The following ITPR2 variants were observed in gnomAD, a reference collection of about 807,000 sequenced individuals.
ITPR2 encodes inositol 1,4,5-trisphosphate receptor type 2.
In ITPR2, 207 loss-of-function variants were observed where a neutral mutation model predicts 317.1. That is an observed-to-expected ratio of 0.65 (90% CI 0.58 to 0.73). The LOEUF (loss-of-function observed/expected upper bound fraction) is 0.73. ITPR2 is among the 30% of genes least tolerant of loss of function. The pLI is 0.00. For synonymous variants in ITPR2, 1,156 were observed against 1,149.1 expected (o/e 1.01, Z -0.12); for missense variants, 2,613 against 3,284.0 (o/e 0.80, Z 4.99).
At chr12:26,809,368 TCAGCTA>T (rs1348881771) in intron 1 of ITPR2, among the ~76,000 whole-genome samples, 1 of 152,230 alleles carries the variant, frequency 6.6e-6, no homozygotes, top group Non-Finnish European at 1.5e-5. Context: ...TTCTCAACCT[TCAGCTA>T]TTCTGTGGAA....
rs188149148 is a variant in ITPR2, at chr12:26,439,302, C to T, written c.6468G>A (p.Arg2156=). ...CAGGAAAAACTATTTGTTCCATGGT[C>T]CTATCATGCCGGACAATCTGAAAAC... ...TAQIEIVRHD[R]TMEQIVFPVP... Residue 2156 remains arginine, a synonymous_variant, in exon 47 of 57, where the codon AGG becomes AGA. Transcript: ENST00000381340. 121 of 1,604,466 alleles carry T rather than the reference C, an allele frequency of 7.5e-5. No homozygotes were observed. In the African/African-American group the frequency reaches 1.2e-3, roughly 17 times the overall value.
intron 2 of ITPR2, among the ~76,000 whole-genome samples, chr12:26,729,545 A>C (rs927930238): frequency 1.3e-5 from 2 of 152,166 alleles, no homozygotes; most frequent in Non-Finnish European, 2.9e-5. Flanking sequence ...AAAGACATGG[A>C]ATCAACCTAA....
intron 2 of ITPR2, among the ~76,000 whole-genome samples, chr12:26,755,155 T>C (rs1206344296): frequency 2.0e-5 from 3 of 152,232 alleles, no homozygotes; most frequent in Non-Finnish European, 2.9e-5. Flanking sequence ...CATAAAATCA[T>C]TGTATGCCAC....
intron 24 of ITPR2, among the ~76,000 whole-genome samples, chr12:26,623,009 T>C (rs1946534889): frequency 6.6e-6 from 1 of 152,216 alleles, no homozygotes; most frequent in African/African-American, 2.4e-5. Flanking sequence ...AGTACTATAA[T>C]ATAAAAACTA....
At chr12:26,644,523 C>T (rs1947067186) in intron 21 of ITPR2, among the ~76,000 whole-genome samples, 4 of 152,206 alleles carry the variant, frequency 2.6e-5, no homozygotes, top group Admixed American at 2.6e-4. Context: ...ACTCACAATT[C>T]CACATGGCTG....
At chr12:26,640,244 T>C (rs1215957068) in intron 21 of ITPR2, among the ~76,000 whole-genome samples, 1 of 152,154 alleles carries the variant, frequency 6.6e-6, no homozygotes, top group Admixed American at 6.6e-5. Context: ...TTCTTAGGGA[T>C]TGATCCTGCC....
At chr12:26,816,427 A>G (rs1950853381) in intron 1 of ITPR2, among the ~76,000 whole-genome samples, 2 of 152,336 alleles carry the variant, frequency 1.3e-5, no homozygotes, top group South Asian at 4.1e-4. Flanking sequence ...AGATCACACC[A>G]TGAGAGAGTG....
At chr12:26,432,708 T>A (rs914865960) in intron 48 of ITPR2, among the ~76,000 whole-genome samples, 17 of 151,476 alleles carry the variant, frequency 1.1e-4, no homozygotes, top group African/African-American at 3.9e-4. Flanking sequence ...ATCTTCCCAC[T>A]ATCAACATGA....
chr12:26,768,449 T>A (rs909569490), intron 2 of ITPR2, among the ~76,000 whole-genome samples: 47 of 43,834 alleles, frequency 1.1e-3, no homozygotes, highest in African/African-American at 1.3e-3. Context: ...AAATAAAAAA[T>A]AAAAAATAAA....
intron 2 of ITPR2, among the ~76,000 whole-genome samples, chr12:26,761,775 C>A (rs138971081): frequency 1.3e-5 from 2 of 152,116 alleles, no homozygotes; most frequent in Non-Finnish European, 2.9e-5. Context: ...TCAGCCTGGG[C>A]GACAGAGCGA....
chr12:26,658,230 A>T, intron 16 of ITPR2, 100 bp from the exon 17 acceptor site: 2 of 729,314 alleles, frequency 2.7e-6, no homozygotes, highest in African/African-American at 1.8e-5. Context: ...TAAACTTATT[A>T]TATGTTTTAA....
intron 55 of ITPR2, among the ~76,000 whole-genome samples, chr12:26,370,102 G>A (rs1052689460): frequency 6.6e-6 from 1 of 152,122 alleles, no homozygotes; most frequent in African/African-American, 2.4e-5. Flanking sequence ...TAATAAAACT[G>A]TAATGGCAAG....
intron 1 of ITPR2, among the ~76,000 whole-genome samples, chr12:26,826,736 A>G (rs1358182660): frequency 6.6e-6 from 1 of 152,204 alleles, no homozygotes; most frequent in Non-Finnish European, 1.5e-5. Context: ...TCACTTAAAC[A>G]TACATATACA....
intron 13 of ITPR2, among the ~76,000 whole-genome samples, chr12:26,680,527 T>C (rs1211080462): frequency 6.6e-6 from 1 of 152,184 alleles, no homozygotes; most frequent in Non-Finnish European, 1.5e-5. Flanking sequence ...CTATTTAAAT[T>C]AAAACTTGGT....
chr12:26,647,894 G>C (rs1455528080), intron 21 of ITPR2, among the ~76,000 whole-genome samples: 1 of 152,136 alleles, frequency 6.6e-6, no homozygotes, highest in African/African-American at 2.4e-5. Context: ...ATCATTTTCT[G>C]AACGGACCAC....
intron 21 of ITPR2, among the ~76,000 whole-genome samples, chr12:26,652,341 T>C (rs1248915466): frequency 2.0e-5 from 3 of 152,244 alleles, no homozygotes; most frequent in Admixed American, 6.5e-5. Flanking sequence ...ATTTGTACAG[T>C]TTTTTGAAAG....
At chr12:26,621,579 T>C (rs1946496326) in intron 25 of ITPR2, among the ~76,000 whole-genome samples, 1 of 152,190 alleles carries the variant, frequency 6.6e-6, no homozygotes, top group Non-Finnish European at 1.5e-5. Flanking sequence ...AAAATATCAA[T>C]AGATACAATC....
chr12:26,573,617 C>T (rs1204604187), intron 34 of ITPR2, among the ~76,000 whole-genome samples: 1 of 152,116 alleles, frequency 6.6e-6, no homozygotes, highest in African/African-American at 2.4e-5. Context: ...TCACTGAGCC[C>T]TTATATTTTG....
At chr12:26,487,615 C>T (rs1271476878) in intron 39 of ITPR2, among the ~76,000 whole-genome samples, 1 of 152,048 alleles carries the variant, frequency 6.6e-6, no homozygotes, top group East Asian at 1.9e-4. Context: ...GTATTGAGTG[C>T]CTACTATGCG....
Sources: allele counts gnomAD v4.1 joint callset (sites outside exome capture counted in the v4.1 genomes callset), GRCh38; gene constraint gnomAD v4.1.1; transcripts MANE v1.5; gene names NCBI Gene and HGNC (gene_info 2026-07-23, HGNC 2026-07-21).